The following GRB2 variants were observed in gnomAD, a reference collection of about 807,000 sequenced individuals.
GRB2 encodes the protein growth factor receptor-bound protein 2.
Under a neutral mutation model 27.4 loss-of-function variants are expected in GRB2, and 2 were observed. The ratio of observed to expected loss-of-function variants is 0.07; its 90% CI spans 0.03 to 0.23. GRB2 has a LOEUF of 0.23. Among genes scored for constraint, GRB2 ranks in the 10% least tolerant of loss-of-function variants. The pLI is 1.00. For synonymous variants in GRB2, 94 were observed against 99.6 expected, an observed-to-expected ratio of 0.94 and a Z score of 0.33; for missense variants, 102 against 282.4, an observed-to-expected ratio of 0.36 and a Z score of 4.58.
At chr17:75,366,251 T>G (rs779023284) in intron 2 of GRB2, among the ~76,000 whole-genome samples, 4 of 152,198 alleles carry the variant, frequency 2.6e-5, no homozygotes, top group Non-Finnish European at 5.9e-5. Context: ...GTTTCGATTA[T>G]GTGAGCCAAT....
intron 1 of GRB2, among the ~76,000 whole-genome samples, chr17:75,398,817 C>T (rs1053657542): frequency 1.3e-5 from 2 of 151,192 alleles, no homozygotes; most frequent in African/African-American, 2.4e-5. Context: ...GCGTGATCTC[C>T]GCTCACTGCA....
rs1437517666 is a variant in GRB2 at position 75,322,802 on chromosome 17, G to GT, written c.300-976dup. 4.4e-5 allele frequency among the ~76,000 whole-genome samples: 6 copies of GT among 135,990 alleles called. No individual in the cohort carries two copies. The Admixed American group carries it at 4.8e-4, about 11-fold the overall frequency. The allele number at this position is 135,990 out of a possible 152,430, so 89.2% of individuals were successfully genotyped here. ...CAGCCTAGCGAGGGCGCTTCTGCCT[G>GT]TCCTGTTCACCTGGCCGGGCACTCT... is the stretch of plus-strand genomic sequence containing the variant. On this transcript the variant is annotated intron_variant, in intron 4 of 5. Coordinates refer to ENST00000316804, the MANE Select transcript of GRB2 (RefSeq NM_002086.5).
At chr17:75,343,063 A>AAAAAAAAGG (rs1567861729) in intron 2 of GRB2, among the ~76,000 whole-genome samples, 1 of 141,140 alleles carries the variant, frequency 7.1e-6, no homozygotes, top group African/African-American at 2.6e-5. Context: ...AAAAAAAAAA[A>AAAAAAAAGG]GGTATAAGAT....
intron 2 of GRB2, among the ~76,000 whole-genome samples, chr17:75,389,813 C>T (rs1377512824): frequency 6.6e-6 from 1 of 151,972 alleles, no homozygotes; most frequent in Non-Finnish European, 1.5e-5. Flanking sequence ...CCACTGCACT[C>T]CAGCCTGGGT....
intron 4 of GRB2, among the ~76,000 whole-genome samples, chr17:75,325,065 ACT>A (rs1316624693): frequency 6.6e-6 from 1 of 152,032 alleles, no homozygotes; most frequent in African/African-American, 2.4e-5. Context: ...ACAGAGCGAG[ACT>A]CTGTCTCAAA....
intron 2 of GRB2, chr17:75,371,099 C>A: frequency 6.6e-6 from 1 of 152,476 alleles, no homozygotes; most frequent in South Asian, 2.0e-4. Flanking sequence ...TGCTTGAGTC[C>A]AGGAGTCCGA....
At chr17:75,339,104 T>C in intron 2 of GRB2, 1 of 1,382,268 alleles carries the variant, frequency 7.2e-7, no homozygotes, top group Non-Finnish European at 1.0e-6. Flanking sequence ...CATTTTGAAC[T>C]GGGAGGAGAT....
At chr17:75,362,197 C>A (rs1228084625) in intron 2 of GRB2, among the ~76,000 whole-genome samples, 1 of 152,188 alleles carries the variant, frequency 6.6e-6, no homozygotes, top group Non-Finnish European at 1.5e-5. Flanking sequence ...TACAGGTCCT[C>A]AAAGGGGAGA....
chr17:75,326,836 GTCAAGCTGCC>G (rs1335203305), intron 3 of GRB2, among the ~76,000 whole-genome samples: 1 of 152,194 alleles, frequency 6.6e-6, no homozygotes, highest in Non-Finnish European at 1.5e-5. Flanking sequence ...AGAGCTTCAA[GTCAAGCTGCC>G]TCACTATTTC....
At chr17:75,396,633 C>A (rs986920827) in intron 1 of GRB2, among the ~76,000 whole-genome samples, 4 of 152,094 alleles carry the variant, frequency 2.6e-5, no homozygotes, top group African/African-American at 9.7e-5. Flanking sequence ...AGCAATCTGC[C>A]TGCCTCGGCC....
chr17:75,343,423 A>T (rs190839322), intron 2 of GRB2, among the ~76,000 whole-genome samples: 53 of 152,344 alleles, frequency 3.5e-4, no homozygotes, highest in African/African-American at 1.3e-3. Context: ...TTCATGTATT[A>T]AAAAAGTTTC....
At position 75,324,528 on chromosome 17, in the gene GRB2, TTTTTTTTG is replaced by T. The variant is rs1198821355; in HGVS notation, c.299+1362_299+1369del. Among the ~76,000 whole-genome samples the T allele has an allele frequency of 2.2e-3, 193 of 87,978 alleles. 5 individuals are homozygous for T. Among genetic ancestry groups the T allele is most frequent in the Middle Eastern group, 4.7e-3 (1 of 212 alleles). The allele number at this position is 87,978 out of a possible 152,430, so 57.7% of individuals were successfully genotyped here. A position where few individuals can be genotyped will look rare whatever the true frequency, so the allele number is the denominator to read the frequency against. On this transcript the variant is annotated intron_variant, in intron 4 of 5. Coordinates refer to ENST00000316804, the MANE Select transcript of GRB2 (RefSeq NM_002086.5). ...CCCAGTTTTTTTTTTTTTTTTTTTT[TTTTTTTTG>T]GAGACAGAGTTTTGCTCTTCGCCCA...
At chr17:75,329,996 C>CA (rs1420039804) in intron 3 of GRB2, among the ~76,000 whole-genome samples, 21 of 152,096 alleles carry the variant, frequency 1.4e-4, no homozygotes, top group Admixed American at 3.3e-4. Flanking sequence ...TTTTTTGAGA[C>CA]AGAGTCTTGC....
At chr17:75,403,075 C>CAA (rs59384819) in intron 1 of GRB2, among the ~76,000 whole-genome samples, 1,084 of 43,182 alleles carry the variant, frequency 0.025, 64 homozygotes, top group African/African-American at 0.09. Context: ...GAATCTGTCT[C>CAA]AAAAAAAAAA....
At chr17:75,402,704 T>C (rs1402080489) in intron 1 of GRB2, among the ~76,000 whole-genome samples, 1 of 152,196 alleles carries the variant, frequency 6.6e-6, no homozygotes, top group Non-Finnish European at 1.5e-5. Context: ...ATAACTGCTA[T>C]ACCATAAGGA....
intron 2 of GRB2, among the ~76,000 whole-genome samples, chr17:75,337,884 T>TACTACC (rs2078589502): frequency 8.2e-6 from 1 of 121,284 alleles, no homozygotes; most frequent in Non-Finnish European, 1.7e-5. Context: ...CTACTACTAC[T>TACTACC]ACTACTACTA....
chr17:75,338,988 G>A (rs181217108), intron 2 of GRB2: 8 of 1,245,846 alleles, frequency 6.4e-6, no homozygotes, highest in African/African-American at 5.9e-5. Context: ...AGACTAAGTC[G>A]ATTTTCCGGA....
rs769304762 is a variant in GRB2, at chr17:75,320,338, C to T, written c.*30G>A. ...TCTTTTGTATGTGTTTTACATTTTTCACTTTCTTTAAATAATTGCTTCTTG... is the reference window on the plus strand; with the variant it reads ...TCTTTTGTATGTGTTTTACATTTTTTACTTTCTTTAAATAATTGCTTCTTG... On this transcript the variant is annotated 3_prime_UTR_variant, in exon 6 of 6. Coordinates refer to ENST00000316804, the MANE Select transcript of GRB2 (RefSeq NM_002086.5). The surrounding 1 kb of genome is among the most constrained non-coding windows in gnomAD (Gnocchi z 4.3). 6.3e-7 allele frequency: 1 copy of T among 1,586,512 alleles called. No homozygotes were observed. Among genetic ancestry groups the T allele is most frequent in the Non-Finnish European group, 8.7e-7 (1 of 1,155,696 alleles).
rs1158130277 is a variant in GRB2 at position 75,320,130 on chromosome 17, G to A, written c.*238C>T. On this transcript the variant is annotated 3_prime_UTR_variant, in exon 6 of 6. Coordinates refer to ENST00000316804, the MANE Select transcript of GRB2 (RefSeq NM_002086.5). The surrounding 1 kb of genome is among the most constrained non-coding windows in gnomAD (Gnocchi z 4.3). ...AAAAGACAAAGGAGGGGAAAGAGGA[G>A]CAGCAGTGAAAATTTGTAATAAAAA... 13 of 451,774 alleles carry A rather than the reference G, an allele frequency of 2.9e-5. No homozygotes were observed. The highest frequency in any genetic ancestry group is 4.8e-5 in the Non-Finnish European group (12 of 247,766). 28.0% of individuals were successfully genotyped at this position (451,774 alleles called of 1,614,324 possible).
Sources: allele counts gnomAD v4.1 joint callset (sites outside exome capture counted in the v4.1 genomes callset), GRCh38; gene constraint gnomAD v4.1.1; non-coding constraint Gnocchi (gnomAD v3.1); transcripts MANE v1.5; gene names NCBI Gene and HGNC (gene_info 2026-07-23, HGNC 2026-07-21).